The following CCDC7 variants were observed in gnomAD, a reference collection of about 807,000 sequenced individuals.
CCDC7 encodes coiled-coil domain containing 7.
A neutral mutation model predicts 196.9 loss-of-function variants in CCDC7; 183 were observed. That is an observed-to-expected ratio of 0.93 (90% CI 0.82 to 1.05). The LOEUF (loss-of-function observed/expected upper bound fraction) is 1.05. Ranked by LOEUF, CCDC7 falls within the 50% of genes least tolerant of loss-of-function variation. CCDC7 has a pLI of 0.00. For missense variants in CCDC7, 1,540 were observed against 1,482.2 expected, an observed-to-expected ratio of 1.04 and a Z score of -0.64; for synonymous variants, 525 against 484.6, an observed-to-expected ratio of 1.08 and a Z score of -1.10.
At chr10:32,605,469 T>C (rs980081782) in intron 18 of CCDC7, among the ~76,000 whole-genome samples, 1 of 151,690 alleles carries the variant, frequency 6.6e-6, no homozygotes, top group African/African-American at 2.4e-5. Context: ...GATGAGGGAG[T>C]TTGGAACTTC....
chr10:32,551,459 G>A (rs2053465005), intron 13 of CCDC7, among the ~76,000 whole-genome samples: 1 of 151,866 alleles, frequency 6.6e-6, no homozygotes, highest in Non-Finnish European at 1.5e-5. Context: ...GTTTGTTCTT[G>A]TTTCTCTAGT....
At position 32,493,727 on chromosome 10, in the gene CCDC7, A is replaced by AT. The variant is rs200376285; in HGVS notation, c.872+1738dup. Among the ~76,000 whole-genome samples the AT allele has an allele frequency of 8.6e-3, 1,300 of 151,672 alleles. 27 individuals carry two copies. Among genetic ancestry groups the AT allele is most frequent in the African/African-American group, 0.029 (1,198 of 41,380 alleles). On this transcript the variant is annotated intron_variant, in intron 9 of 41. Transcript: ENST00000639629. ...ATGTTTTTTCTTTTTGATAATAGCC[A>AT]TTTTTTTTGATAACAGATGTGAGGT...
At chr10:32,582,794 A>G (rs748675129) in intron 16 of CCDC7, among the ~76,000 whole-genome samples, 9 of 152,176 alleles carry the variant, frequency 5.9e-5, no homozygotes, top group Non-Finnish European at 1.0e-4. Flanking sequence ...ACCTTGAATA[A>G]TGATTATATT....
At chr10:32,599,562 C>T (rs1156767410) in intron 18 of CCDC7, among the ~76,000 whole-genome samples, 2 of 151,594 alleles carry the variant, frequency 1.3e-5, no homozygotes, top group Non-Finnish European at 2.9e-5. Context: ...TTTTATTCTC[C>T]TCTCATTTTC....
chr10:32,714,547 C>T (rs750203078), intron 25 of CCDC7, among the ~76,000 whole-genome samples: 34 of 152,158 alleles, frequency 2.2e-4, no homozygotes, highest in Non-Finnish European at 4.0e-4. Flanking sequence ...GCCAGTGAGA[C>T]AGAACCATTC....
chr10:32,804,069 AAG>A (rs2085336742), intron 29 of CCDC7, among the ~76,000 whole-genome samples: 1 of 152,164 alleles, frequency 6.6e-6, no homozygotes, highest in African/African-American at 2.4e-5. Flanking sequence ...AAAAAAGAAA[AAG>A]ACATCCATCT....
chr10:32,566,978 T>C (rs1020291935), intron 14 of CCDC7, among the ~76,000 whole-genome samples: 1 of 123,134 alleles, frequency 8.1e-6, no homozygotes, highest in Non-Finnish European at 1.6e-5. Flanking sequence ...TATAAATATA[T>C]AACATATTTA....
At chr10:32,879,374 A>G (rs1476931839), downstream of CCDC7, among the ~76,000 whole-genome samples, 1 of 152,144 alleles carries the variant, frequency 6.6e-6, no homozygotes, top group African/African-American at 2.4e-5. Flanking sequence ...AGCAGCATCC[A>G]TGATTTGAAG....
At chr10:32,676,161 C>G (rs1373064235) in intron 21 of CCDC7, among the ~76,000 whole-genome samples, 1 of 91,518 alleles carries the variant, frequency 1.1e-5, no homozygotes, top group Non-Finnish European at 2.4e-5. Flanking sequence ...ATAAATGGTG[C>G]TGGGAAAACT....
intron 13 of CCDC7, among the ~76,000 whole-genome samples, chr10:32,546,188 T>C (rs2052434695): frequency 6.6e-6 from 1 of 152,230 alleles, no homozygotes; most frequent in South Asian, 2.1e-4. Flanking sequence ...AGGGAATCTT[T>C]GCTCTATAAT....
intron 24 of CCDC7, among the ~76,000 whole-genome samples, chr10:32,710,443 C>T (rs957195222): frequency 6.6e-6 from 1 of 152,232 alleles, no homozygotes; most frequent in Non-Finnish European, 1.5e-5. Context: ...GGAATTGCTT[C>T]TCTAGCTTTC....
chr10:32,740,900 A>C (rs1219699689), intron 28 of CCDC7, among the ~76,000 whole-genome samples: 1 of 150,048 alleles, frequency 6.7e-6, no homozygotes, highest in Non-Finnish European at 1.5e-5. Context: ...ATGAGTTTTA[A>C]ATTTTTTTGA....
intron 31 of CCDC7, among the ~76,000 whole-genome samples, chr10:32,821,897 A>G (rs1459694364): frequency 6.6e-6 from 1 of 152,154 alleles, no homozygotes; most frequent in Non-Finnish European, 1.5e-5. Context: ...CCAACATGGC[A>G]CATGTATACA....
intron 40 of CCDC7, among the ~76,000 whole-genome samples, chr10:32,852,272 AG>A (rs897820137): frequency 4.0e-4 from 61 of 152,266 alleles, no homozygotes; most frequent in African/African-American, 1.4e-3. Flanking sequence ...ATGCAACCCC[AG>A]GGAGAGCATA....
At chr10:32,859,020 A>C (rs1405778152) in intron 41 of CCDC7, among the ~76,000 whole-genome samples, 1 of 152,078 alleles carries the variant, frequency 6.6e-6, no homozygotes, top group East Asian at 1.9e-4. Flanking sequence ...AAGACAGAAA[A>C]TTGACAAGGA....
At chr10:32,824,630 A>G in intron 32 of CCDC7, 26 bp downstream of exon 33, 1 of 1,489,814 alleles carries the variant, frequency 6.7e-7, no homozygotes, top group Non-Finnish European at 9.3e-7. Flanking sequence ...TTTAAAATCT[A>G]CTTATGGTTT....
At chr10:32,561,314 C>T (rs1297120453) in intron 13 of CCDC7, among the ~76,000 whole-genome samples, 1 of 152,194 alleles carries the variant, frequency 6.6e-6, no homozygotes, top group African/African-American at 2.4e-5. Context: ...TAGACATCTA[C>T]AGAACTCTCC....
intron 11 of CCDC7, among the ~76,000 whole-genome samples, chr10:32,524,273 T>G (rs2048340393): frequency 6.6e-6 from 1 of 152,208 alleles, no homozygotes; most frequent in Non-Finnish European, 1.5e-5. Flanking sequence ...AGAAAACTCA[T>G]AAAAACTCTA....
chr10:32,810,023 A>G (rs932188365), intron 30 of CCDC7, among the ~76,000 whole-genome samples: 1 of 152,202 alleles, frequency 6.6e-6, no homozygotes, highest in Non-Finnish European at 1.5e-5. Flanking sequence ...TGTGGCACAT[A>G]TACACCATGG....
Sources: gnomAD v4.1 joint callset for allele counts (sites outside exome capture counted in the v4.1 genomes callset) on GRCh38, gnomAD v4.1.1 for gene constraint, MANE v1.5 for transcripts, NCBI Gene and HGNC (gene_info 2026-07-23, HGNC 2026-07-21) for gene names.